Variants in KCNMB1 observed in about 807,000 individuals in gnomAD.
The protein encoded by KCNMB1 is potassium calcium-activated channel subfamily M regulatory beta subunit 1, also known as calcium-activated potassium channel subunit beta-1.
In KCNMB1, 22 loss-of-function variants were observed where a neutral mutation model predicts 21.7. That is an observed-to-expected ratio of 1.01 (90% confidence interval 0.72 to 1.45). KCNMB1 has a LOEUF of 1.45. Among genes scored for constraint, KCNMB1 ranks in the 40% most tolerant of loss-of-function variants. The pLI, the probability that KCNMB1 is intolerant of heterozygous loss-of-function variation, is 0.00. For missense variants in KCNMB1, 243 were observed against 243.4 expected (o/e 1.00, Z 0.01); for synonymous variants, 114 against 107.6 (o/e 1.06, Z -0.37).
chr5:170,384,912 G>A (rs879579469), intron 2 of KCNMB1, among the ~76,000 whole-genome samples: 2 of 152,208 alleles, frequency 1.3e-5, no homozygotes, highest in Admixed American at 6.5e-5. Context: ...TTCATCAGGA[G>A]GCTGGATGCC....
intron 1 of KCNMB1, 73 bp from the exon 2 acceptor site, chr5:170,385,544 G>A (rs1191966599): frequency 2.2e-6 from 3 of 1,346,716 alleles, no homozygotes; most frequent in African/African-American, 1.4e-5. Flanking sequence ...GAGGACAGGT[G>A]AGAGGGGAAG....
In KCNMB1 at chr5:170,377,611, T is replaced by C. The variant is rs1309325034; in HGVS notation, c.*1093A>G. 1.3e-5 allele frequency: 2 copies of C among 151,742 alleles called. No homozygotes were observed. The highest frequency in any genetic ancestry group is 2.9e-5 in the Non-Finnish European group (2 of 68,022). 9.4% of individuals were successfully genotyped at this position (151,742 alleles called of 1,614,324 possible). On this transcript the variant is annotated 3_prime_UTR_variant, in exon 4 of 4. Coordinates refer to ENST00000274629, the MANE Select transcript of KCNMB1 (RefSeq NM_004137.4). ...TTTTTTGAGACGGAGTCTTGTTCTA[T>C]CACCAGGCTGGAGTGCAGTGGCACA... is the stretch of plus-strand genomic sequence containing the variant.
intron 3 of KCNMB1, among the ~76,000 whole-genome samples, chr5:170,379,417 C>T (rs1581127651): frequency 6.6e-6 from 1 of 152,174 alleles, no homozygotes; most frequent in South Asian, 2.1e-4. Context: ...TATTTGAAAT[C>T]GAGATCATGT....
chr5:170,383,936 A>G, intron 2 of KCNMB1, 86 bp from the exon 3 acceptor site: 1 of 1,404,230 alleles, frequency 7.1e-7, no homozygotes, highest in Non-Finnish European at 9.7e-7. Flanking sequence ...ATCCCCTGGG[A>G]GCCTCTAGAG....
At chr5:170,386,920 C>G (rs1764498018) in intron 1 of KCNMB1, among the ~76,000 whole-genome samples, 1 of 152,002 alleles carries the variant, frequency 6.6e-6, no homozygotes, top group African/African-American at 2.4e-5. Context: ...AAGATTCCAC[C>G]CTCCCCTGCT....
At chr5:170,386,464 A>G (rs959221935) in intron 1 of KCNMB1, among the ~76,000 whole-genome samples, 5 of 152,194 alleles carry the variant, frequency 3.3e-5, no homozygotes, top group African/African-American at 7.2e-5. Context: ...ATCATTTGCT[A>G]CAACAGTCAT....
chr5:170,385,340 C>T lies in KCNMB1; in HGVS notation c.108G>A (p.Thr36=), dbSNP rs765682588. 8.7e-6 allele frequency: 14 copies of T among 1,614,066 alleles called. No homozygotes were observed. Among genetic ancestry groups the T allele is most frequent in the Admixed American group, 1.7e-5 (1 of 60,018 alleles). The change falls in exon 2 of 4, where the codon ACG becomes ACA. Residue 36 remains threonine (T), a synonymous_variant. Transcript: ENST00000274629. ...CAVITYYILV[T]TVLPLYQKSV... ...TTTTCTGGTAGAGGGGCAGCACAGT[C>T]GTGACCAGGATGTAGTAGGTGATGA...
At chr5:170,379,850 A>T (rs936391953) in intron 3 of KCNMB1, among the ~76,000 whole-genome samples, 1 of 151,858 alleles carries the variant, frequency 6.6e-6, no homozygotes, top group African/African-American at 2.4e-5. Context: ...TACACAGGAG[A>T]CTGAGGTGGG....
At chr5:170,381,747 C>T (rs1764249374) in intron 3 of KCNMB1, among the ~76,000 whole-genome samples, 1 of 152,222 alleles carries the variant, frequency 6.6e-6, no homozygotes, top group Admixed American at 6.5e-5. Flanking sequence ...ACCAGGGAGG[C>T]AGCCTGAAAA....
chr5:170,388,212 G>A (rs868781375), intron 1 of KCNMB1, among the ~76,000 whole-genome samples: 8 of 152,224 alleles, frequency 5.3e-5, no homozygotes, highest in South Asian at 2.1e-4. Flanking sequence ...GGTCTGACCC[G>A]TCTCTAATGG....
intron 3 of KCNMB1, 80 bp downstream of exon 3, chr5:170,383,599 C>G (rs748640750): frequency 6.6e-7 from 1 of 1,508,418 alleles, no homozygotes; most frequent in East Asian, 2.3e-5. Context: ...TTCTCAGCCT[C>G]GGGGACAGGG....
Position 170,378,948 on chromosome 5 carries a change from T to C in KCNMB1, c.332A>G (p.Asp111Gly). 6.2e-7 allele frequency: 1 copy of C among 1,614,104 alleles called. No homozygotes were observed. Residue 111 changes from aspartate (D) to glycine (G), a missense_variant, in exon 4 of 4, where the codon GAC becomes GGC. Transcript: ENST00000274629. ...QQCSYIPGSV[D>G]NYQTARADVE... ...GTCGGCCCGGGCCGTCTGGTAATTGTCCACGCTGCCTGGGATGTAGGAGCA... is the reference window on the plus strand; with the variant it reads ...GTCGGCCCGGGCCGTCTGGTAATTGCCCACGCTGCCTGGGATGTAGGAGCA...
Position 170,378,803 on chromosome 5 carries a change from G to A in KCNMB1, c.477C>T (p.Phe159=), listed in dbSNP as rs1764113716. Residue 159 remains phenylalanine, a synonymous_variant, in exon 4 of 4, where the codon TTC becomes TTT. Transcript: ENST00000274629. ...QRLYGPQALL[F]SLFWPTFLLT... ...GCAGGAAGGTGGGCCAGAAGAGGGA[G>A]AAGAGGAGGGCCTGGGGCCCGTAGA... 6.8e-6 allele frequency: 11 copies of A among 1,614,230 alleles called. No individual in the cohort carries two copies. The highest frequency in any genetic ancestry group is 8.5e-6 in the Non-Finnish European group (10 of 1,180,006).
chr5:170,381,819 T>C (rs975170257), intron 3 of KCNMB1, among the ~76,000 whole-genome samples: 1 of 152,174 alleles, frequency 6.6e-6, no homozygotes, highest in African/African-American at 2.4e-5. Flanking sequence ...AATTTGTTTC[T>C]TGCATTGGGA....
chr5:170,387,411 C>T (rs1581138405), intron 1 of KCNMB1, among the ~76,000 whole-genome samples: 1 of 152,302 alleles, frequency 6.6e-6, no homozygotes, highest in East Asian at 1.9e-4. Context: ...GACTCCCTCC[C>T]CTTAGCCAGG....
intron 3 of KCNMB1, 92 bp from the exon 4 acceptor site, chr5:170,379,065 T>C (rs1297870420): frequency 6.8e-6 from 10 of 1,461,788 alleles, no homozygotes; most frequent in Non-Finnish European, 9.2e-6. Flanking sequence ...ACCAGCTTTG[T>C]AGTCGGGCCC....
At chr5:170,385,242 G>T in intron 2 of KCNMB1, 72 bp downstream of exon 2, 1 of 1,545,134 alleles carries the variant, frequency 6.5e-7, no homozygotes, top group Non-Finnish European at 8.9e-7. Flanking sequence ...TGAGTAGAAG[G>T]CCAGGGTTCC....
intron 1 of KCNMB1, among the ~76,000 whole-genome samples, chr5:170,387,068 C>A (rs569366218): frequency 6.6e-6 from 1 of 152,222 alleles, no homozygotes; most frequent in Non-Finnish European, 1.5e-5. Context: ...GCAAGCTGTC[C>A]TAGAGCCTCT....
chr5:170,378,931 G>A lies in KCNMB1; in HGVS notation c.349C>T (p.Arg117Trp), dbSNP rs769171810. 11 of 1,614,130 alleles carry A rather than the reference G, an allele frequency of 6.8e-6. No individual in the cohort carries two copies. Among genetic ancestry groups the A allele is most frequent in the South Asian group, 3.3e-5 (3 of 91,080 alleles). Reference protein sequence around the residue: ...PGSVDNYQTARADVEKVRAKF... With the variant: ...PGSVDNYQTAWADVEKVRAKF... ...GCTCTGACCTTCTCCACGTCGGCCCGGGCCGTCTGGTAATTGTCCACGCTG... is the reference window on the plus strand; with the variant it reads ...GCTCTGACCTTCTCCACGTCGGCCCAGGCCGTCTGGTAATTGTCCACGCTG... The change falls in exon 4 of 4, where the codon CGG becomes TGG. Residue 117 changes from arginine (R) to tryptophan (W), a missense_variant. Transcript: ENST00000274629.
Sources: gnomAD v4.1 joint callset for allele counts (sites outside exome capture counted in the v4.1 genomes callset) on GRCh38, gnomAD v4.1.1 for gene constraint, MANE v1.5 for transcripts, NCBI Gene and HGNC (gene_info 2026-07-23, HGNC 2026-07-21) for gene names.